The following DPP6 variants were observed in gnomAD, a reference collection of about 807,000 sequenced individuals.
DPP6 encodes A-type potassium channel modulatory protein DPP6.
A neutral mutation model predicts 122.6 loss-of-function variants in DPP6; 69 were observed. The observed-to-expected ratio is 0.56, with a 90% CI of 0.46 to 0.69. DPP6 has a LOEUF of 0.69. Among genes scored for constraint, DPP6 ranks in the 30% least tolerant of loss-of-function variants. The pLI, the probability that DPP6 is intolerant of heterozygous loss-of-function variation, is 0.00. For missense variants in DPP6, 928 were observed against 1,116.9 expected (o/e 0.83, Z 2.41); for synonymous variants, 418 against 433.1 (o/e 0.97, Z 0.43).
intron 7 of DPP6, among the ~76,000 whole-genome samples, chr7:154,703,281 A>G (rs541710181): frequency 4.6e-5 from 7 of 152,364 alleles, no homozygotes; most frequent in Admixed American, 1.3e-4. Context: ...TTTGCAGCAC[A>G]TGAATCATGG....
chr7:153,995,588 C>CAAAAAAAAAAAAAAAAAAAAAAAAAAAA (rs55905154), intron 1 of DPP6, among the ~76,000 whole-genome samples: 1 of 88,952 alleles, frequency 1.1e-5, no homozygotes. Flanking sequence ...GACTCCGTCT[C>CAAAAAAAAAAAAAAAAAAAAAAAAAAAA]AAAAAAAAAA....
At chr7:154,065,970 C>T (rs2150499297) in intron 1 of DPP6, among the ~76,000 whole-genome samples, 1 of 152,084 alleles carries the variant, frequency 6.6e-6, no homozygotes, top group South Asian at 2.1e-4. Context: ...GTTGGAGACC[C>T]TCACATTCTT....
intron 1 of DPP6, among the ~76,000 whole-genome samples, chr7:153,972,818 A>C (rs1056783639): frequency 6.6e-6 from 1 of 151,180 alleles, no homozygotes; most frequent in African/African-American, 2.4e-5. Flanking sequence ...TCAGTATTGT[A>C]TTAGTATTGC....
intron 1 of DPP6, among the ~76,000 whole-genome samples, chr7:154,124,649 C>G (rs1275210722): frequency 3.3e-5 from 5 of 152,324 alleles, no homozygotes; most frequent in African/African-American, 7.2e-5. Flanking sequence ...GACTTGCAAA[C>G]AGAGTGGAAG....
intron 1 of DPP6, among the ~76,000 whole-genome samples, chr7:154,205,732 G>C (rs1007232715): frequency 2.0e-5 from 3 of 151,702 alleles, no homozygotes; most frequent in African/African-American, 7.3e-5. Flanking sequence ...CTCAGACTGG[G>C]CAAAGCTCTT....
intron 5 of DPP6, among the ~76,000 whole-genome samples, chr7:154,594,767 G>A (rs960893772): frequency 2.0e-5 from 3 of 152,144 alleles, no homozygotes; most frequent in African/African-American, 7.2e-5. Flanking sequence ...TCGGACTAAT[G>A]CATTTGGATG....
At chr7:154,053,395 T>C (rs1166185069) in intron 1 of DPP6, among the ~76,000 whole-genome samples, 3 of 152,082 alleles carry the variant, frequency 2.0e-5, no homozygotes, top group African/African-American at 7.2e-5. Context: ...CTATGGTTCC[T>C]AAGGAGAGAA....
At chr7:154,425,617 T>TGG (rs1401953709) in intron 1 of DPP6, among the ~76,000 whole-genome samples, 16 of 121,780 alleles carry the variant, frequency 1.3e-4, no homozygotes, top group South Asian at 1.0e-3. Flanking sequence ...TGTGTGTGTG[T>TGG]GTGGGTGTGT....
chr7:154,315,760 A>C (rs775797588), intron 1 of DPP6, among the ~76,000 whole-genome samples: 3 of 152,102 alleles, frequency 2.0e-5, no homozygotes, highest in Admixed American at 6.5e-5. Flanking sequence ...AGGCTAAAGG[A>C]ATATGGTTCT....
chr7:154,698,308 C>G (rs1381398753), intron 7 of DPP6, among the ~76,000 whole-genome samples: 1 of 151,938 alleles, frequency 6.6e-6, no homozygotes, highest in South Asian at 2.1e-4. Context: ...GTATAATATT[C>G]CCTGTTATCA....
intron 1 of DPP6, among the ~76,000 whole-genome samples, chr7:153,895,382 T>C (rs528758969): frequency 2.0e-5 from 3 of 152,240 alleles, no homozygotes; most frequent in Non-Finnish European, 2.9e-5. Flanking sequence ...TTTGAATAGA[T>C]TGATTATTCT....
intron 1 of DPP6, among the ~76,000 whole-genome samples, chr7:154,101,736 T>C (rs1418250446): frequency 6.6e-6 from 1 of 151,668 alleles, no homozygotes; most frequent in Non-Finnish European, 1.5e-5. Flanking sequence ...TAGACAAGCC[T>C]GGTCAACATG....
At chr7:154,535,875 T>A (rs912853421) in intron 3 of DPP6, among the ~76,000 whole-genome samples, 3 of 152,140 alleles carry the variant, frequency 2.0e-5, no homozygotes, top group Admixed American at 6.6e-5. Context: ...TTTTGCCAAC[T>A]GATAGTGAAG....
At chr7:154,721,589 A>T (rs567526854) in intron 7 of DPP6, among the ~76,000 whole-genome samples, 2 of 152,336 alleles carry the variant, frequency 1.3e-5, no homozygotes, top group South Asian at 4.1e-4. Flanking sequence ...GGATTTGGCA[A>T]TGGATTTTTA....
chr7:153,752,883 T>G, the DPP6 span, among the ~76,000 whole-genome samples: 3 of 150,948 alleles, frequency 2.0e-5, no homozygotes, highest in Admixed American at 6.6e-5. Context: ...ATTTAATTTA[T>G]TTTTACACAT....
rs180862143 is a variant in DPP6, at chr7:154,491,076, G to T, written c.457+16039G>T. Among the ~76,000 whole-genome samples, 7 of 152,242 alleles carry T rather than the reference G, an allele frequency of 4.6e-5. No homozygotes were observed. In the East Asian group the frequency reaches 1.4e-3, roughly 29 times the overall value. ...TCTGGCTGACATCAGAGGGGTGCAT[G>T]GCAACAAAATGTCATCCCAATCTCT... On this transcript the variant is annotated intron_variant, in intron 3 of 25. Coordinates refer to ENST00000377770, the MANE Select transcript of DPP6 (RefSeq NM_130797.4).
At chr7:154,475,306 G>A in intron 3 of DPP6, 1 of 416,110 alleles carries the variant, frequency 2.4e-6, no homozygotes, top group East Asian at 5.4e-5. Flanking sequence ...TGTCCTTTGT[G>A]TGCCACCTCC....
intron 10 of DPP6, among the ~76,000 whole-genome samples, chr7:154,776,703 T>C (rs4960610): frequency 0.72 from 110,179 of 152,056 alleles, 39,952 homozygotes; most frequent in South Asian, 0.76. Flanking sequence ...AAGCTTGAGA[T>C]ATCTTCAGTT....
chr7:153,806,734 T>C, the DPP6 span, among the ~76,000 whole-genome samples: 1 of 151,986 alleles, frequency 6.6e-6, no homozygotes, highest in Admixed American at 6.6e-5. Flanking sequence ...TTTGAAAGTG[T>C]TGTATATTGA....
Sources: allele counts gnomAD v4.1 joint callset (sites outside exome capture counted in the v4.1 genomes callset), GRCh38; gene constraint gnomAD v4.1.1; transcripts MANE v1.5; gene names NCBI Gene and HGNC (gene_info 2026-07-23, HGNC 2026-07-21).